CALN1: variants seen among roughly 807,000 people sequenced by gnomAD.
The protein encoded by CALN1 is calneuron 1.
Under a neutral mutation model 30.6 loss-of-function variants are expected in CALN1, and 17 were observed. That is an observed-to-expected ratio of 0.56 (90% CI 0.38 to 0.83). The LOEUF (loss-of-function observed/expected upper bound fraction) is 0.83, where lower values mean the gene tolerates loss of function less well. Among genes scored for constraint, CALN1 ranks in the 40% least tolerant of loss-of-function variants. The pLI is 0.00. For missense variants in CALN1, 291 were observed against 354.9 expected (o/e 0.82, Z 1.45); for synonymous variants, 156 against 131.4 (o/e 1.19, Z -1.28).
At chr7:72,144,923 C>G (rs532186423) in intron 3 of CALN1, among the ~76,000 whole-genome samples, 1 of 146,438 alleles carries the variant, frequency 6.8e-6, no homozygotes, top group South Asian at 2.2e-4. Flanking sequence ...TTGAAACCAA[C>G]GAGAACAAAG....
chr7:72,087,680 T>C (rs1376672084), intron 4 of CALN1, among the ~76,000 whole-genome samples: 1 of 152,090 alleles, frequency 6.6e-6, no homozygotes, highest in East Asian at 1.9e-4. Flanking sequence ...GCAGGAAATA[T>C]ATGTATGAGA....
chr7:72,478,887 C>CTTTTTTTTTTTTTTTTTT, the CALN1 span, among the ~76,000 whole-genome samples: 189 of 139,324 alleles, frequency 1.4e-3, 4 homozygotes, highest in African/African-American at 4.8e-3. Flanking sequence ...CGAACCACTT[C>CTTTTTTTTTTTTTTTTTT]TTTTTTTTTT....
the CALN1 span, among the ~76,000 whole-genome samples, chr7:72,497,821 GA>G: frequency 6.6e-6 from 1 of 151,760 alleles, no homozygotes; most frequent in African/African-American, 2.4e-5. Context: ...AAATAGAGGG[GA>G]AAAAACAGTT....
chr7:71,924,061 C>T (rs1038700143), intron 5 of CALN1, among the ~76,000 whole-genome samples: 12 of 152,124 alleles, frequency 7.9e-5, no homozygotes, highest in Middle Eastern at 3.4e-3. Context: ...GGCATGGTGG[C>T]GGCCACCTGT....
At chr7:72,341,090 G>C (rs1281913255) in intron 2 of CALN1, among the ~76,000 whole-genome samples, 1 of 152,216 alleles carries the variant, frequency 6.6e-6, no homozygotes, top group East Asian at 1.9e-4. Context: ...GTCGCAGGCA[G>C]ATGAACAGAG....
At chr7:72,338,655 T>A (rs1363359100) in intron 2 of CALN1, among the ~76,000 whole-genome samples, 1 of 152,126 alleles carries the variant, frequency 6.6e-6, no homozygotes. Context: ...TAATCTTTTT[T>A]AAATATGTTT....
At chr7:72,212,492 G>A (rs1369627238) in intron 3 of CALN1, among the ~76,000 whole-genome samples, 2 of 152,040 alleles carry the variant, frequency 1.3e-5, no homozygotes, top group East Asian at 1.9e-4. Flanking sequence ...TCAATGCATT[G>A]GGGGTACCAT....
chr7:72,064,278 T>C (rs7784022), intron 4 of CALN1, among the ~76,000 whole-genome samples: 31,634 of 127,824 alleles, frequency 0.25, 4,215 homozygotes, highest in Middle Eastern at 0.35. Flanking sequence ...TGAGACTCCA[T>C]CTCAAAAAAA....
At chr7:72,236,013 G>A (rs1324841874) in intron 3 of CALN1, among the ~76,000 whole-genome samples, 1 of 151,046 alleles carries the variant, frequency 6.6e-6, no homozygotes, top group East Asian at 1.9e-4. Context: ...GGAGGCAGAG[G>A]AGGGAGGATA....
intron 1 of CALN1, among the ~76,000 whole-genome samples, chr7:72,437,890 TCCTC>T (rs984538185): frequency 8.3e-5 from 12 of 145,156 alleles, no homozygotes; most frequent in South Asian, 4.5e-4. Flanking sequence ...TTTCCTTCCT[TCCTC>T]CCTCCCTCCC....
intron 2 of CALN1, among the ~76,000 whole-genome samples, chr7:72,359,990 A>AAAAAAAAAAAAAAAAAAAAC (rs1365927582): frequency 4.0e-5 from 6 of 148,294 alleles, no homozygotes; most frequent in African/African-American, 1.0e-4. Flanking sequence ...AAAAAAAAAA[A>AAAAAAAAAAAAAAAAAAAAC]ACCAAAGTTG....
intron 1 of CALN1, among the ~76,000 whole-genome samples, chr7:72,403,758 G>A (rs541149348): frequency 2.0e-5 from 3 of 152,154 alleles, no homozygotes; most frequent in Non-Finnish European, 4.4e-5. Flanking sequence ...GAAAGCTATA[G>A]CCGCCAAAGT....
chr7:72,376,749 G>A (rs74359384), intron 2 of CALN1, among the ~76,000 whole-genome samples: 1,933 of 152,068 alleles, frequency 0.013, 58 homozygotes, highest in African/African-American at 0.044. Flanking sequence ...TTGTTGCTTG[G>A]ACTTTCTGAT....
At chr7:72,407,090 A>C (rs545083214) in intron 1 of CALN1, among the ~76,000 whole-genome samples, 2 of 152,248 alleles carry the variant, frequency 1.3e-5, no homozygotes, top group South Asian at 4.1e-4. Context: ...CACCTGCATC[A>C]CTTTTACCAA....
chr7:71,935,586 G>C (rs1451479677), intron 5 of CALN1, among the ~76,000 whole-genome samples: 2 of 152,226 alleles, frequency 1.3e-5, no homozygotes, highest in East Asian at 1.9e-4. Flanking sequence ...GCTAGGCGTG[G>C]TTGGCGCATG....
intron 3 of CALN1, among the ~76,000 whole-genome samples, chr7:72,185,264 T>G (rs1790104566): frequency 1.3e-5 from 2 of 152,098 alleles, no homozygotes; most frequent in African/African-American, 4.8e-5. Context: ...CTTTCCCATG[T>G]GCATCCCCAT....
At chr7:72,403,822 C>A (rs991698148) in intron 1 of CALN1, among the ~76,000 whole-genome samples, 1 of 152,212 alleles carries the variant, frequency 6.6e-6, no homozygotes, top group South Asian at 2.1e-4. Context: ...TGTTTCCTTG[C>A]TGCTGACACC....
chr7:72,333,475 C>T (rs1284172210), intron 2 of CALN1, among the ~76,000 whole-genome samples: 4 of 152,164 alleles, frequency 2.6e-5, no homozygotes, highest in Non-Finnish European at 5.9e-5. Flanking sequence ...TCAAATTGAG[C>T]GTTCTGAGAA....
intron 5 of CALN1, among the ~76,000 whole-genome samples, chr7:72,012,806 T>C (rs886419264): frequency 6.6e-6 from 1 of 152,172 alleles, no homozygotes; most frequent in African/African-American, 2.4e-5. Flanking sequence ...TATTTATTGA[T>C]TGATTTTGAG....
Sources: allele counts gnomAD v4.1 joint callset (sites outside exome capture counted in the v4.1 genomes callset), GRCh38; gene constraint gnomAD v4.1.1; transcripts MANE v1.5; gene names NCBI Gene and HGNC (gene_info 2026-07-23, HGNC 2026-07-21).